The following FOXN4 variants were observed in gnomAD, a reference collection of about 807,000 sequenced individuals.
FOXN4 encodes forkhead box protein N4.
FOXN4 carries 12 observed loss-of-function variants against 45.0 expected under a neutral mutation model. The ratio of observed to expected loss-of-function variants is 0.27; its 90% CI spans 0.17 to 0.43. FOXN4 has a LOEUF of 0.43. Ranked by LOEUF, FOXN4 falls within the 20% of genes least tolerant of loss-of-function variation. The pLI, the probability that FOXN4 is intolerant of heterozygous loss-of-function variation, is 1.00. For missense variants in FOXN4, 560 were observed against 694.9 expected, an observed-to-expected ratio of 0.81 and a Z score of 2.18; for synonymous variants, 297 against 295.0, an observed-to-expected ratio of 1.01 and a Z score of -0.07.
At chr12:109,304,391 C>G (rs900788497) in intron 2 of FOXN4, among the ~76,000 whole-genome samples, 2 of 152,164 alleles carry the variant, frequency 1.3e-5, no homozygotes, top group Non-Finnish European at 2.9e-5. Flanking sequence ...GCCTGGCACA[C>G]AGTAGATACT....
At chr12:109,305,628 G>T (rs566010360) in intron 2 of FOXN4, among the ~76,000 whole-genome samples, 1 of 152,284 alleles carries the variant, frequency 6.6e-6, no homozygotes, top group East Asian at 1.9e-4. Flanking sequence ...TATTAGGGAG[G>T]CTGAGGCAGG....
At chr12:109,305,996 CCAGA>C (rs1468111117) in intron 2 of FOXN4, among the ~76,000 whole-genome samples, 1 of 152,056 alleles carries the variant, frequency 6.6e-6, no homozygotes, top group Non-Finnish European at 1.5e-5. Flanking sequence ...CTTAGTGCCC[CCAGA>C]CAGTTTGTCA....
At chr12:109,286,963 G>T in intron 6 of FOXN4, 1 of 1,218,254 alleles carries the variant, frequency 8.2e-7, no homozygotes. Context: ...AATTGGTACT[G>T]ACTTGAGAAA....
intron 2 of FOXN4, among the ~76,000 whole-genome samples, chr12:109,301,248 C>T (rs146016390): frequency 3.8e-4 from 58 of 152,222 alleles, no homozygotes; most frequent in Non-Finnish European, 6.9e-4. Flanking sequence ...CCTCGTGTGC[C>T]GAACAGAGGT....
At chr12:109,292,679 G>A (rs2047780347) in intron 2 of FOXN4, among the ~76,000 whole-genome samples, 1 of 152,110 alleles carries the variant, frequency 6.6e-6, no homozygotes. Context: ...GGTCGCCAGG[G>A]GGCTGGAAGT....
chr12:109,304,884 C>T (rs2047907812), intron 2 of FOXN4, among the ~76,000 whole-genome samples: 1 of 152,220 alleles, frequency 6.6e-6, no homozygotes, highest in Non-Finnish European at 1.5e-5. Context: ...AAAACCCCCT[C>T]TGCAAGAAAG....
intron 2 of FOXN4, among the ~76,000 whole-genome samples, chr12:109,301,391 A>T (rs1279292112): frequency 6.6e-6 from 1 of 152,190 alleles, no homozygotes; most frequent in Non-Finnish European, 1.5e-5. Context: ...TACAAGGGAC[A>T]TTGGAACCTG....
At chr12:109,281,915 A>G (rs1401253526) in intron 8 of FOXN4, 116 bp from the exon 9 acceptor site, 1 of 1,229,132 alleles carries the variant, frequency 8.1e-7, no homozygotes, top group Non-Finnish European at 1.1e-6. Flanking sequence ...AGCCTCTTGG[A>G]CACTCAGAAC....
At chr12:109,299,429 T>C (rs143222442) in intron 2 of FOXN4, among the ~76,000 whole-genome samples, 43 of 152,032 alleles carry the variant, frequency 2.8e-4, no homozygotes, top group Admixed American at 1.2e-3. Flanking sequence ...AACGCACACA[T>C]GCACACGCCC....
Position 109,279,852 on chromosome 12 carries a change from C to T in FOXN4, c.1373G>A (p.Cys458Tyr), listed in dbSNP as rs758263527. Reference sequence around the variant, plus strand: ...GGTTAGGCCTGAGGCCCCCAGGTCACAGCCAAGCGGGGAGTCTGCAAAGGC... The same window carrying T: ...GGTTAGGCCTGAGGCCCCCAGGTCATAGCCAAGCGGGGAGTCTGCAAAGGC... ...LGAFADSPLG[C>Y]DLGASGLTPA... Residue 458 changes from cysteine to tyrosine, a missense_variant, in exon 10 of 10, where the codon TGT (cysteine) becomes TAT (tyrosine). Cys to Tyr is a radical substitution (Grantham distance 194, BLOSUM62 -2). Transcript: ENST00000299162. 3.7e-6 allele frequency: 6 copies of T among 1,613,830 alleles called. No homozygotes were observed. In the Admixed American group the frequency reaches 5.0e-5, roughly 13 times the overall value.
rs890559932 is a variant in FOXN4, at chr12:109,291,242, G to A, written c.87-956C>T. ...CCATGTCACTCCCCAGTGCCCTCAA[G>A]TCACACTTGCCACGCGACTCCGAGA... On this transcript the variant is annotated intron_variant, in intron 2 of 9. Transcript: ENST00000299162. This position sits in a 1 kb window ranked among gnomAD's most constrained non-coding sequence, Gnocchi z 6.6. 6.6e-6 allele frequency among the ~76,000 whole-genome samples: 1 copy of A among 151,866 alleles called. No homozygotes were observed. Among genetic ancestry groups the A allele is most frequent in the African/African-American group, 2.4e-5 (1 of 41,328 alleles).
chr12:109,287,825 TC>T lies in FOXN4; in HGVS notation c.468+18del. On this transcript the variant is annotated intron_variant, in intron 5 of 9. Coordinates refer to ENST00000299162, the MANE Select transcript of FOXN4 (RefSeq NM_213596.3). The surrounding 1 kb of genome is among the most constrained non-coding windows in gnomAD (Gnocchi z 4.1). ...GGGTGTCTGCTGCTCAGTCCAGGGC[TC>T]CCCTGAGCCCTTGGTACCTGCTGGG... The T allele has an allele frequency of 6.5e-7, 1 of 1,542,818 alleles. No individual in the cohort carries two copies.
chr12:109,292,489 G>A (rs915984614), intron 2 of FOXN4, among the ~76,000 whole-genome samples: 1 of 152,140 alleles, frequency 6.6e-6, no homozygotes, highest in Non-Finnish European at 1.5e-5. Context: ...TAACCTCTCT[G>A]AGCCTCAGTT....
intron 2 of FOXN4, among the ~76,000 whole-genome samples, chr12:109,307,906 A>G (rs892288430): frequency 6.6e-6 from 1 of 152,024 alleles, no homozygotes; most frequent in Non-Finnish European, 1.5e-5. Flanking sequence ...AGCATTTCCC[A>G]CAGCCCCCAT....
chr12:109,304,530 A>G (rs2047904097), intron 2 of FOXN4, among the ~76,000 whole-genome samples: 2 of 152,256 alleles, frequency 1.3e-5, no homozygotes, highest in East Asian at 3.9e-4. Flanking sequence ...GACCACCCCC[A>G]GTCCCCTGCC....
chr12:109,302,806 TACA>T (rs1479907442), intron 2 of FOXN4, among the ~76,000 whole-genome samples: 1 of 152,186 alleles, frequency 6.6e-6, no homozygotes, highest in African/African-American at 2.4e-5. Context: ...CCGCCCTGAT[TACA>T]ACAAGGTTTC....
intron 8 of FOXN4, 30 bp downstream of exon 8, chr12:109,285,274 T>TGTGTGTGCGCGCGCGC (rs71443850): frequency 1.9e-6 from 3 of 1,539,846 alleles, no homozygotes; most frequent in African/African-American, 2.9e-5. Context: ...TGTGTGTGTG[T>TGTGTGTGCGCGCGCGC]GCGCGCACTG....
intron 1 of FOXN4, among the ~76,000 whole-genome samples, 171 bp from the exon 2 acceptor site, chr12:109,308,495 T>C (rs1246060674): frequency 6.6e-6 from 1 of 152,136 alleles, no homozygotes; most frequent in East Asian, 1.9e-4. Context: ...CTCAGGTCAC[T>C]TTCCCAGGGC....
At chr12:109,283,312 T>C (rs1004198966) in intron 8 of FOXN4, among the ~76,000 whole-genome samples, 5 of 152,306 alleles carry the variant, frequency 3.3e-5, no homozygotes, top group Non-Finnish European at 7.3e-5. Flanking sequence ...GGTGTATTTC[T>C]TCCCAAACAC....
Sources: allele counts gnomAD v4.1 joint callset (sites outside exome capture counted in the v4.1 genomes callset), GRCh38; gene constraint gnomAD v4.1.1; non-coding constraint Gnocchi (gnomAD v3.1); transcripts MANE v1.5; gene names NCBI Gene and HGNC (gene_info 2026-07-23, HGNC 2026-07-21).